Variants in ENTPD6 observed in about 807,000 individuals in gnomAD.
ENTPD6 encodes ectonucleoside triphosphate diphosphohydrolase 6, also known as CD39 antigen-like 2.
ENTPD6 carries 46 observed loss-of-function variants against 61.5 expected under a neutral mutation model. The ratio of observed to expected loss-of-function variants is 0.75; its 90% CI spans 0.59 to 0.96. The LOEUF (loss-of-function observed/expected upper bound fraction) is 0.96. ENTPD6 is among the 40% of genes least tolerant of loss of function. ENTPD6 has a pLI of 0.00. For synonymous variants in ENTPD6, 252 were observed against 255.5 expected (o/e 0.99, Z 0.13); for missense variants, 612 against 629.0 (o/e 0.97, Z 0.29).
Position 25,227,317 on chromosome 20 carries a change from T to C in ENTPD6, c.*1720T>C, listed in dbSNP as rs1470043582. On this transcript the variant is annotated 3_prime_UTR_variant, in exon 15 of 15. Coordinates refer to ENST00000376652, the MANE Select transcript of ENTPD6 (RefSeq NM_001247.5). The stretch of plus-strand genomic sequence containing the variant: ...CCCACCAGCGCCTTTACTTCCATAA[T>C]ATCCACCAGCTTAAATATTTAAAGA... 1.3e-5 allele frequency among the ~76,000 whole-genome samples: 2 copies of C among 152,190 alleles called. No individual in the cohort carries two copies. Among genetic ancestry groups the C allele is most frequent in the East Asian group, 1.9e-4 (1 of 5,188 alleles).
intron 10 of ENTPD6, 50 bp from the exon 11 acceptor site, chr20:25,221,182 A>G (rs778676362): frequency 1.7e-5 from 25 of 1,462,436 alleles, no homozygotes; most frequent in Non-Finnish European, 2.1e-5. Flanking sequence ...GCCCTAGTCC[A>G]TGGCGGTGAT....
chr20:25,224,236 T>C, intron 13 of ENTPD6, 79 bp downstream of exon 13: 6 of 1,338,642 alleles, frequency 4.5e-6, no homozygotes, highest in Non-Finnish European at 6.3e-6. Flanking sequence ...GCCCTGACTC[T>C]CCTGGGTGTA....
chr20:25,198,891 A>G (rs2090777338), intron 1 of ENTPD6, among the ~76,000 whole-genome samples: 1 of 152,198 alleles, frequency 6.6e-6, no homozygotes, highest in African/African-American at 2.4e-5. Context: ...TCCCGCTGGC[A>G]TATCAAACTC....
rs570351560 is a variant in ENTPD6, at chr20:25,221,303, G to C, written c.1015G>C (p.Val339Leu). 9.3e-6 allele frequency: 15 copies of C among 1,614,218 alleles called. No individual in the cohort carries two copies. The South Asian group carries it at 1.6e-4, about 18-fold the overall frequency. Reference protein sequence around the residue: ...SFKGEWEHAEVTYRVSGQKAA... With the variant: ...SFKGEWEHAELTYRVSGQKAA... Reference sequence around the variant, plus strand: ...CAAAGGAGAGTGGGAACACGCAGAAGTCACGTACAGGGTTTCAGGGCAGAA... The same window carrying C: ...CAAAGGAGAGTGGGAACACGCAGAACTCACGTACAGGGTTTCAGGGCAGAA... The change falls in exon 11 of 15, where the codon GTC (valine) becomes CTC (leucine). Residue 339 changes from valine to leucine, a missense_variant. Coordinates refer to ENST00000376652, the MANE Select transcript of ENTPD6 (RefSeq NM_001247.5).
At chr20:25,198,276 G>T (rs2090689318) in intron 1 of ENTPD6, among the ~76,000 whole-genome samples, 1 of 152,162 alleles carries the variant, frequency 6.6e-6, no homozygotes, top group South Asian at 2.1e-4. Flanking sequence ...AGGAGTTCGA[G>T]ACCAGCCTGG....
chr20:25,209,332 G>A (rs1382317267), intron 3 of ENTPD6, among the ~76,000 whole-genome samples: 3 of 151,492 alleles, frequency 2.0e-5, no homozygotes, highest in Admixed American at 6.6e-5. Flanking sequence ...GGATGGTCTC[G>A]AACTCCTGAC....
chr20:25,218,301 C>G (rs983502742), intron 9 of ENTPD6, among the ~76,000 whole-genome samples: 6 of 152,334 alleles, frequency 3.9e-5, no homozygotes, highest in African/African-American at 9.6e-5. Flanking sequence ...GGTGTCGAGT[C>G]GGTCCCACTC....
chr20:25,211,746 A>T (rs187155631), intron 4 of ENTPD6, among the ~76,000 whole-genome samples: 1 of 152,336 alleles, frequency 6.6e-6, no homozygotes, highest in East Asian at 1.9e-4. Context: ...TGACAGTAGA[A>T]AAAGGCTGCA....
intron 3 of ENTPD6, among the ~76,000 whole-genome samples, chr20:25,209,196 G>GC (rs530874471): frequency 7.3e-4 from 110 of 151,098 alleles, no homozygotes; most frequent in African/African-American, 1.7e-3. Context: ...TGCAAGCTCC[G>GC]CCCCCCGGGT....
At chr20:25,214,073 C>CT (rs2092156324) in intron 5 of ENTPD6, among the ~76,000 whole-genome samples, 1 of 152,228 alleles carries the variant, frequency 6.6e-6, no homozygotes, top group Non-Finnish European at 1.5e-5. Flanking sequence ...GCTCATCCTG[C>CT]TCCTGGTCCG....
chr20:25,216,870 G>T, intron 8 of ENTPD6, 134 bp downstream of exon 8: 1 of 619,220 alleles, frequency 1.6e-6, no homozygotes, highest in African/African-American at 1.8e-5. Context: ...GACCCCTGCG[G>T]TCATTTCCTC....
intron 10 of ENTPD6, among the ~76,000 whole-genome samples, chr20:25,219,735 C>T (rs114511476): frequency 1.3e-5 from 2 of 152,184 alleles, no homozygotes; most frequent in Non-Finnish European, 2.9e-5. Flanking sequence ...TACCTCAGCC[C>T]CCAGCGCCCC....
At chr20:25,209,743 T>C in intron 3 of ENTPD6, 106 bp from the exon 4 acceptor site, 1 of 894,790 alleles carries the variant, frequency 1.1e-6, no homozygotes, top group Non-Finnish European at 1.8e-6. Flanking sequence ...ACTTGGGGAT[T>C]GGTCTGTGTT....
At position 25,207,188 on chromosome 20, in the gene ENTPD6, A is replaced by T. The variant is rs1257673798; in HGVS notation, c.167A>T (p.Tyr56Phe). ...GGGCTGTGTGTGGGCGTGTTCATCT[A>T]TGTTGCCTACATCAAGTGGCACCGG... ...PLGLCVGVFI[Y>F]VAYIKWHRAT... Residue 56 changes from tyrosine (Y) to phenylalanine (F), a missense_variant, in exon 3 of 15, where the codon TAT becomes TTT. Transcript: ENST00000376652. 1 of 1,613,926 alleles carries T rather than the reference A, an allele frequency of 6.2e-7. No homozygotes were observed. The highest frequency in any genetic ancestry group is 8.5e-7 in the Non-Finnish European group (1 of 1,180,012).
chr20:25,208,696 C>T (rs1014972606), intron 3 of ENTPD6, among the ~76,000 whole-genome samples: 6 of 152,282 alleles, frequency 3.9e-5, no homozygotes, highest in African/African-American at 1.4e-4. Context: ...TAATTTAAAA[C>T]ACTCCATTTT....
At position 25,223,041 on chromosome 20, in the gene ENTPD6, G is replaced by A. The variant is rs578114793; in HGVS notation, c.1186+63G>A. The A allele has an allele frequency of 2.2e-4, 333 of 1,537,874 alleles. No individual in the cohort carries two copies. The African/African-American group carries it at 3.9e-3, about 18-fold the overall frequency. ...GCGGCAGGGGGCGGGGGTGGAGGGC[G>A]TGTGCTCCCCGAGGCAGAGGGCTGG... On this transcript the variant is annotated intron_variant, in intron 12 of 14. Transcript: ENST00000376652.
intron 1 of ENTPD6, chr20:25,196,121 G>A: frequency 8.3e-7 from 1 of 1,204,778 alleles, no homozygotes; most frequent in Non-Finnish European, 1.0e-6. Flanking sequence ...GTAGCCCCAG[G>A]GGGCCCCAGC....
intron 7 of ENTPD6, among the ~76,000 whole-genome samples, chr20:25,216,428 G>C (rs2092316347): frequency 6.6e-6 from 1 of 152,184 alleles, no homozygotes; most frequent in Non-Finnish European, 1.5e-5. Context: ...TCCCCTGAAG[G>C]TTCATGCTGT....
intron 1 of ENTPD6, among the ~76,000 whole-genome samples, chr20:25,204,470 TTATA>T (rs10534876): frequency 2.0e-5 from 3 of 150,118 alleles, no homozygotes; most frequent in East Asian, 2.0e-4. Context: ...TTACAAAGCT[TTATA>T]TATATATATA....
Sources: gnomAD v4.1 joint callset for allele counts (sites outside exome capture counted in the v4.1 genomes callset) on GRCh38, gnomAD v4.1.1 for gene constraint, MANE v1.5 for transcripts, NCBI Gene and HGNC (gene_info 2026-07-23, HGNC 2026-07-21) for gene names.